Variants in ERBIN observed in about 807,000 individuals in gnomAD.
ERBIN encodes densin-180-like protein.
A neutral mutation model predicts 158.4 loss-of-function variants in ERBIN; 60 were observed. That is an observed-to-expected ratio of 0.38 (90% CI 0.31 to 0.47). ERBIN has a LOEUF of 0.47. Ranked by LOEUF, ERBIN falls within the 20% of genes least tolerant of loss-of-function variation. The pLI, the probability that ERBIN is intolerant of heterozygous loss-of-function variation, is 0.99. For missense variants in ERBIN, 1,610 were observed against 1,648.0 expected, an observed-to-expected ratio of 0.98 and a Z score of 0.40; for synonymous variants, 594 against 557.2, an observed-to-expected ratio of 1.07 and a Z score of -0.93.
intron 1 of ERBIN, among the ~76,000 whole-genome samples, chr5:65,982,005 T>C (rs907439349): frequency 9.9e-5 from 15 of 152,198 alleles, no homozygotes; most frequent in Admixed American, 3.3e-4. Flanking sequence ...CAGTCTACAG[T>C]GGTTAAGTCA....
chr5:66,055,911 T>G (rs1489767465), intron 21 of ERBIN, among the ~76,000 whole-genome samples: 1 of 152,182 alleles, frequency 6.6e-6, no homozygotes, highest in Non-Finnish European at 1.5e-5. Context: ...GTCCTCAACT[T>G]TAAATGAACT....
In ERBIN at chr5:66,059,779, G is replaced by A. The variant is rs1229932235; in HGVS notation, c.3633+4828G>A. 3.3e-5 allele frequency among the ~76,000 whole-genome samples: 5 copies of A among 152,152 alleles called. No homozygotes were observed. In the East Asian group the frequency reaches 9.6e-4, roughly 29 times the overall value. On this transcript the variant is annotated intron_variant, in intron 21 of 25. Coordinates refer to ENST00000284037, the MANE Select transcript of ERBIN (RefSeq NM_001253697.2). ...TTGAATTTTGTCAAAGGCTTTTTCT[G>A]CACCTATTGAGATAATGATGTGGTT...
At position 66,013,615 on chromosome 5, in the gene ERBIN, G is replaced by A; in HGVS notation, c.453G>A (p.Glu151=). ...TQLYLNDAFL[E]FLPANFGRLT... is the part of the protein sequence containing the mutation. ...TGTATCTGAATGATGCTTTTCTTGAGTTCTTGCCAGCAAATTTTGGCAGGT... is the reference window on the plus strand; with the variant it reads ...TGTATCTGAATGATGCTTTTCTTGAATTCTTGCCAGCAAATTTTGGCAGGT... The change falls in exon 6 of 26, where the codon GAG becomes GAA. Residue 151 remains glutamate (E), a synonymous_variant. Transcript: ENST00000284037. The A allele has an allele frequency of 3.7e-6, 6 of 1,613,106 alleles. No homozygotes were observed. Among genetic ancestry groups the A allele is most frequent in the Non-Finnish European group, 5.1e-6 (6 of 1,179,290 alleles).
chr5:66,055,235 C>A, intron 21 of ERBIN: 2 of 446,874 alleles, frequency 4.5e-6, no homozygotes, highest in Non-Finnish European at 6.4e-6. Flanking sequence ...ACTAAAAATA[C>A]ACGTACCTCT....
At chr5:65,998,319 T>C (rs1480306305) in intron 4 of ERBIN, among the ~76,000 whole-genome samples, 2 of 150,920 alleles carry the variant, frequency 1.3e-5, no homozygotes, top group Non-Finnish European at 3.0e-5. Flanking sequence ...GAAATGTATG[T>C]TTTATAGGAT....
intron 21 of ERBIN, among the ~76,000 whole-genome samples, chr5:66,063,407 G>T (rs1160906873): frequency 6.6e-6 from 1 of 152,208 alleles, no homozygotes; most frequent in Non-Finnish European, 1.5e-5. Context: ...TATTAGGGCA[G>T]GAGTGACCCG....
intron 4 of ERBIN, among the ~76,000 whole-genome samples, chr5:65,999,988 A>G (rs1752859169): frequency 6.6e-6 from 1 of 152,144 alleles, no homozygotes; most frequent in Non-Finnish European, 1.5e-5. Flanking sequence ...ATCTCTACAT[A>G]TGTTGACAGA....
intron 1 of ERBIN, among the ~76,000 whole-genome samples, chr5:65,956,403 T>C (rs1481765832): frequency 1.4e-4 from 5 of 36,562 alleles, no homozygotes; most frequent in African/African-American, 3.6e-4. Flanking sequence ...AGATGGAGTC[T>C]CGCTTCTGTC....
At chr5:65,930,432 C>T (rs1027613439) in intron 1 of ERBIN, among the ~76,000 whole-genome samples, 2 of 152,082 alleles carry the variant, frequency 1.3e-5, no homozygotes, top group Non-Finnish European at 2.9e-5. Context: ...CTCAGCCTCC[C>T]GAGTAGCTGG....
chr5:66,008,085 C>T (rs1561365723), intron 4 of ERBIN, among the ~76,000 whole-genome samples: 1 of 152,088 alleles, frequency 6.6e-6, no homozygotes. Context: ...TTTTATAAAC[C>T]ACATGCTATG....
At chr5:66,026,046 T>C in intron 12 of ERBIN, 69 bp downstream of exon 12, 1 of 1,272,354 alleles carries the variant, frequency 7.9e-7, no homozygotes, top group South Asian at 1.5e-5. Flanking sequence ...ATTATAGCTA[T>C]TTAGTGTGGC....
intron 25 of ERBIN, among the ~76,000 whole-genome samples, chr5:66,077,604 A>AT (rs1554070459): frequency 1.3e-4 from 19 of 151,974 alleles, no homozygotes; most frequent in African/African-American, 2.4e-4. Flanking sequence ...ATTAAAAAAA[A>AT]TTTTTTTTGA....
intron 1 of ERBIN, among the ~76,000 whole-genome samples, chr5:65,964,348 A>C (rs182791722): frequency 7.5e-4 from 114 of 152,314 alleles, no homozygotes; most frequent in Non-Finnish European, 1.3e-3. Flanking sequence ...GAGGAATGGC[A>C]CTGACTAGTG....
intron 25 of ERBIN, 102 bp from the exon 26 acceptor site, chr5:66,078,320 GC>G: frequency 1.4e-6 from 1 of 733,744 alleles, no homozygotes; most frequent in South Asian, 1.7e-5. Flanking sequence ...ATTTTAAGTT[GC>G]CAAAGTGATT....
Position 66,072,283 on chromosome 5 carries a change from T to G in ERBIN, c.3748T>G (p.Leu1250Val). Reference sequence around the variant, plus strand: ...TCACAAAGATGTTCCTCCAGACAGCTTGATGAAAGTGGGTGCTCGGGAAAA... The same window carrying G: ...TCACAAAGATGTTCCTCCAGACAGCGTGATGAAAGTGGGTGCTCGGGAAAA... Reference protein sequence around the residue: ...LSHKDVPPDSLMKMPLSNGQM... With the variant: ...LSHKDVPPDSVMKMPLSNGQM... Residue 1250 changes from leucine to valine, a missense_variant, in exon 22 of 26, where the codon TTG (leucine) becomes GTG (valine). Coordinates refer to ENST00000284037, the MANE Select transcript of ERBIN (RefSeq NM_001253697.2). The G allele has an allele frequency of 6.5e-7, 1 of 1,550,066 alleles. No individual in the cohort carries two copies. The highest frequency in any genetic ancestry group is 8.7e-7 in the Non-Finnish European group (1 of 1,146,752).
chr5:66,064,437 T>C (rs1301803291), intron 21 of ERBIN, among the ~76,000 whole-genome samples: 1 of 152,166 alleles, frequency 6.6e-6, no homozygotes, highest in Non-Finnish European at 1.5e-5. Context: ...TTCACATGAG[T>C]CCTGTGTGAT....
rs2151319703 is a variant in ERBIN, at chr5:66,080,411, T to C, written c.*1881T>C. 1 of 152,568 alleles carries C rather than the reference T, an allele frequency of 6.6e-6. No homozygotes were observed. The highest frequency in any genetic ancestry group is 1.5e-5 in the Non-Finnish European group (1 of 67,916). 9.5% of individuals were successfully genotyped at this position (152,568 alleles called of 1,614,324 possible). A position where few individuals can be genotyped will look rare whatever the true frequency, so the allele number is the denominator to read the frequency against. ...TACTATTTACATAGGAATTGATTTTTATGGATATAGTAGAAGAAATGTGCT... is the reference window on the plus strand; with the variant it reads ...TACTATTTACATAGGAATTGATTTTCATGGATATAGTAGAAGAAATGTGCT... On this transcript the variant is annotated 3_prime_UTR_variant, in exon 26 of 26. Transcript: ENST00000284037.
chr5:65,949,141 A>C (rs1319430432), intron 1 of ERBIN, among the ~76,000 whole-genome samples: 1 of 152,064 alleles, frequency 6.6e-6, no homozygotes, highest in Non-Finnish European at 1.5e-5. Flanking sequence ...AGAAATATTT[A>C]TATTTACGTA....
intron 1 of ERBIN, among the ~76,000 whole-genome samples, chr5:65,941,235 A>G (rs1324990757): frequency 6.7e-6 from 1 of 150,366 alleles, no homozygotes; most frequent in Non-Finnish European, 1.5e-5. Flanking sequence ...TCACTTGTTT[A>G]TCTGCTGACC....
Sources: gnomAD v4.1 joint callset for allele counts (sites outside exome capture counted in the v4.1 genomes callset) on GRCh38, gnomAD v4.1.1 for gene constraint, MANE v1.5 for transcripts, NCBI Gene and HGNC (gene_info 2026-07-23, HGNC 2026-07-21) for gene names.